PAX8: variants seen among roughly 807,000 people sequenced by gnomAD.
The protein encoded by PAX8 is paired box 8, also known as paired box protein Pax-8.
In PAX8, 15 loss-of-function variants were observed where a neutral mutation model predicts 52.4. The observed-to-expected ratio is 0.29, with a 90% CI of 0.19 to 0.44. PAX8 has a LOEUF of 0.44. Among genes scored for constraint, PAX8 ranks in the 20% least tolerant of loss-of-function variants. The probability of loss-of-function intolerance (pLI) is 1.00; values close to 1 mark genes in which losing one functional copy is unlikely to be tolerated. For missense variants in PAX8, 554 were observed against 602.5 expected (o/e 0.92, Z 0.84); for synonymous variants, 284 against 249.7 (o/e 1.14, Z -1.29).
chr2:113,271,628 C>T (rs1005478900), intron 2 of PAX8: 1 of 150,636 alleles, frequency 6.6e-6, no homozygotes, highest in Non-Finnish European at 1.5e-5. Context: ...CTCTGCCTGT[C>T]ACTGCCAGCA....
chr2:113,241,679 T>C lies in PAX8; in HGVS notation c.649A>G (p.Ser217Gly), dbSNP rs536862630. 14 of 1,613,996 alleles carry C rather than the reference T, an allele frequency of 8.7e-6. No homozygotes were observed. The South Asian group carries it at 1.2e-4, about 14-fold the overall frequency. Residue 217 changes from serine (S) to glycine (G), a missense_variant, in exon 7 of 12, where the codon AGC becomes GGC. Coordinates refer to ENST00000429538, the MANE Select transcript of PAX8 (RefSeq NM_003466.4). ...RLSIDSQSSS[S>G]GPRKHLRTDA... ...GTGCGAAGGTGCTTTCGGGGTCCGC[T>C]GCTGCTGCTCTGTGAGTCAATGCTT...
chr2:113,232,382 G>C lies in PAX8; in HGVS notation c.1087+3012C>G, dbSNP rs569209853. Among the ~76,000 whole-genome samples, 4 of 152,354 alleles carry C rather than the reference G, an allele frequency of 2.6e-5. No homozygotes were observed. The South Asian group carries it at 8.3e-4, about 32-fold the overall frequency. On this transcript the variant is annotated intron_variant, in intron 9 of 11. Coordinates refer to ENST00000429538, the MANE Select transcript of PAX8 (RefSeq NM_003466.4). ...TTTTCAGAGCCTCTGCCTCTGTGCT[G>C]AATTGTCAACCCTTGGGCTAGGGGG...
intron 7 of PAX8, chr2:113,237,044 G>GA: frequency 2.8e-6 from 1 of 360,558 alleles, no homozygotes; most frequent in Non-Finnish European, 5.1e-6. Context: ...ACAGAATGCA[G>GA]GACGGTGCCA....
chr2:113,236,947 G>T, intron 7 of PAX8: 1 of 583,078 alleles, frequency 1.7e-6, no homozygotes, highest in African/African-American at 1.9e-5. Context: ...TGGGTGCCCA[G>T]ACGTGGGATA....
intron 2 of PAX8, among the ~76,000 whole-genome samples, chr2:113,250,238 G>C (rs771343476): frequency 7.2e-6 from 1 of 139,336 alleles, no homozygotes; most frequent in Non-Finnish European, 1.5e-5. Context: ...CTGCACTCCA[G>C]CCTGGGTGAC....
At chr2:113,255,041 A>G (rs1440605392) in intron 2 of PAX8, among the ~76,000 whole-genome samples, 1 of 151,398 alleles carries the variant, frequency 6.6e-6, no homozygotes. Context: ...GAAGGAAGGA[A>G]GGAAGGGAAG....
rs3188996 is a variant in PAX8 at position 113,235,496 on chromosome 2, A to G, written c.985T>C (p.Phe329Leu). Residue 329 changes from phenylalanine (F) to leucine (L), a missense_variant, in exon 9 of 12, where the codon TTT (phenylalanine) becomes CTT (leucine). Transcript: ENST00000429538. The stretch of plus-strand genomic sequence containing the variant: ...GAGCCGACTTGCTGCAGATCCAAAA[A>G]GGCGGAGCTAGATAAAGAGGAAGGG... ...STPSSLSSSAFLDLQQVGSGV... is the reference protein window; with the variant it reads ...STPSSLSSSALLDLQQVGSGV... 39,941 of 1,613,868 alleles carry G rather than the reference A, an allele frequency of 0.025. 614 individuals are homozygous for G. The highest frequency in any genetic ancestry group is 0.031 in the Non-Finnish European group (36,135 of 1,179,812).
chr2:113,231,005 A>C (rs1689857183), intron 9 of PAX8, among the ~76,000 whole-genome samples: 1 of 152,186 alleles, frequency 6.6e-6, no homozygotes, highest in Non-Finnish European at 1.5e-5. Context: ...AATATTGGTA[A>C]ATATTCTAAA....
At chr2:113,254,622 A>G (rs184561605) in intron 2 of PAX8, among the ~76,000 whole-genome samples, 3 of 152,298 alleles carry the variant, frequency 2.0e-5, no homozygotes, top group East Asian at 3.9e-4. Context: ...AAGGCATGGC[A>G]TCATTTTCTT....
chr2:113,265,666 A>G (rs895414), intron 2 of PAX8: 151,961 of 152,334 alleles, frequency 1, 75,796 homozygotes, highest in Non-Finnish European at 1. Context: ...CTCTGTGATT[A>G]TGGTGAAAGT....
In PAX8 at chr2:113,217,324, G is replaced by A. The variant is rs781656777; in HGVS notation, c.*1209C>T. 11 of 226,300 alleles carry A rather than the reference G, an allele frequency of 4.9e-5. No homozygotes were observed. Among genetic ancestry groups the A allele is most frequent in the African/African-American group, 1.6e-4 (7 of 44,862 alleles). 14.0% of individuals were successfully genotyped at this position (226,300 alleles called of 1,614,324 possible). A position where few individuals can be genotyped will look rare whatever the true frequency, so the allele number is the denominator to read the frequency against. The stretch of plus-strand genomic sequence containing the variant: ...TGTTCTTGGGAGAAAGCCCAGCCCC[G>A]GGATGCCTCCTTCCCCAGCCAACCC... On this transcript the variant is annotated 3_prime_UTR_variant, in exon 12 of 12. Transcript: ENST00000429538.
At chr2:113,241,519 C>T in intron 7 of PAX8, 32 bp downstream of exon 7, 2 of 1,576,254 alleles carry the variant, frequency 1.3e-6, no homozygotes, top group South Asian at 1.1e-5. Context: ...CCCTTGCCCA[C>T]CCTGTTCACC....
chr2:113,235,684 C>CG (rs1055892956), intron 8 of PAX8, 102 bp from the exon 9 acceptor site: 20 of 927,454 alleles, frequency 2.2e-5, no homozygotes, highest in South Asian at 4.9e-5. Context: ...GGGCGGGGCG[C>CG]GGGGCAGGCT....
intron 2 of PAX8, chr2:113,266,895 A>G (rs932892189): frequency 1.3e-5 from 2 of 152,214 alleles, no homozygotes; most frequent in Admixed American, 6.5e-5. Context: ...AAACTGTTTG[A>G]AAGTGTTTAT....
At chr2:113,259,705 C>CATTA (rs3978686) in intron 2 of PAX8, 79,633 of 151,830 alleles carry the variant, frequency 0.52, 21,317 homozygotes, top group African/African-American at 0.64. Context: ...TTATCGAAAG[C>CATTA]ATTAATTGAT....
chr2:113,251,137 T>C (rs999687725), intron 2 of PAX8, among the ~76,000 whole-genome samples: 1 of 152,178 alleles, frequency 6.6e-6, no homozygotes, highest in Admixed American at 6.5e-5. Context: ...AGTTTTAAGC[T>C]GAGTCTCTGC....
chr2:113,264,312 C>T (rs1194329216), intron 2 of PAX8, among the ~76,000 whole-genome samples: 2 of 152,260 alleles, frequency 1.3e-5, no homozygotes, highest in African/African-American at 4.8e-5. Flanking sequence ...CCCAGTGGGG[C>T]AGCTCCGGCC....
rs758612544 is a variant in PAX8 at position 113,246,935 on chromosome 2, TC to T, written c.26-17del. 3 of 1,610,630 alleles carry T rather than the reference TC, an allele frequency of 1.9e-6. No homozygotes were observed. The African/African-American group carries it at 4.0e-5, about 21-fold the overall frequency. On this transcript the variant is annotated splice_polypyrimidine_tract_variant and intron_variant, in intron 2 of 11. Transcript: ENST00000429538. ...CCTCCATGGCCTAAGGAGACAATATTCCCAGGGACAGCTGTCAGGGTCAGGT... is the reference window on the plus strand; with the variant it reads ...CCTCCATGGCCTAAGGAGACAATATTCCAGGGACAGCTGTCAGGGTCAGGT...
chr2:113,275,752 G>A (rs576968790), intron 2 of PAX8: 33 of 152,240 alleles, frequency 2.2e-4, no homozygotes, highest in Admixed American at 1.8e-3. Context: ...TTTTGCTTTA[G>A]AGAATTTCGT....
Sources: gnomAD v4.1 joint callset for allele counts (sites outside exome capture counted in the v4.1 genomes callset) on GRCh38, gnomAD v4.1.1 for gene constraint, MANE v1.5 for transcripts, NCBI Gene and HGNC (gene_info 2026-07-23, HGNC 2026-07-21) for gene names.